IFT172: variants seen among roughly 807,000 people sequenced by gnomAD.
IFT172 encodes the protein intraflagellar transport protein 172 homolog.
IFT172 carries 164 observed loss-of-function variants against 248.9 expected under a neutral mutation model. That is an observed-to-expected ratio of 0.66 (90% confidence interval 0.58 to 0.75). The LOEUF is 0.75. Among genes scored for constraint, IFT172 ranks in the 30% least tolerant of loss-of-function variants. The pLI is 0.00. For missense variants in IFT172, 1,950 were observed against 2,192.4 expected (o/e 0.89, Z 2.21); for synonymous variants, 729 against 791.6 (o/e 0.92, Z 1.33).
chr2:27,469,703 G>C (rs1170722167), intron 16 of IFT172, among the ~76,000 whole-genome samples: 1 of 152,126 alleles, frequency 6.6e-6, no homozygotes, highest in East Asian at 1.9e-4. Flanking sequence ...ATGGTGACAG[G>C]TACCTGTAAT....
intron 39 of IFT172, 121 bp from the exon 40 acceptor site, chr2:27,449,152 G>T: frequency 1.7e-6 from 2 of 1,202,084 alleles, no homozygotes; most frequent in Non-Finnish European, 2.5e-6. Flanking sequence ...TCTGACCCCA[G>T]TTTCAGACTG....
intron 26 of IFT172, 105 bp from the exon 27 acceptor site, chr2:27,458,328 C>G: frequency 1.1e-6 from 1 of 943,618 alleles, no homozygotes; most frequent in Admixed American, 1.8e-5. Flanking sequence ...CCAACAATCA[C>G]AGGAGTTTGG....
intron 14 of IFT172, 49 bp downstream of exon 14, chr2:27,476,592 G>T (rs759398008): frequency 2.6e-6 from 3 of 1,140,996 alleles, no homozygotes; most frequent in Middle Eastern, 2.1e-4. Context: ...ATGGAAGTGT[G>T]ATATAAACAT....
At chr2:27,459,860 G>C (rs1202063357) in intron 23 of IFT172, 31 bp from the exon 24 acceptor site, 2 of 1,605,274 alleles carry the variant, frequency 1.2e-6, no homozygotes, top group South Asian at 2.2e-5. Flanking sequence ...GCTCAGCCCA[G>C]ATTTCCAGGG....
At chr2:27,444,886 T>TG in intron 47 of IFT172, 128 bp downstream of exon 47, 1 of 962,190 alleles carries the variant, frequency 1.0e-6, no homozygotes, top group Non-Finnish European at 1.5e-6. Flanking sequence ...TGACCTCAGG[T>TG]GATCCGCCCA....
chr2:27,481,454 TACAC>T (rs764036982), intron 7 of IFT172, among the ~76,000 whole-genome samples, 194 bp from the exon 8 acceptor site: 2 of 135,582 alleles, frequency 1.5e-5, no homozygotes, highest in Non-Finnish European at 1.6e-5. Flanking sequence ...CACACACACA[TACAC>T]ACACACACAC....
chr2:27,461,572 C>G, intron 21 of IFT172, 55 bp from the exon 22 acceptor site: 1 of 1,593,420 alleles, frequency 6.3e-7, no homozygotes. Flanking sequence ...ACCCTTCTGC[C>G]TCCCATGCTT....
rs148360112 is a variant in IFT172, at chr2:27,449,538, A to G, written c.4185T>C (p.His1395=). 6.2e-7 allele frequency: 1 copy of G among 1,614,022 alleles called. No individual in the cohort carries two copies. The highest frequency in any genetic ancestry group is 1.3e-5 in the African/African-American group (1 of 74,912). The change falls in exon 38 of 48, where the codon CAT becomes CAC. Residue 1395 remains histidine (H), a synonymous_variant. Transcript: ENST00000260570. ...CCTGATTCTTGAGGAACTCTTTATAATGCTGGTCCACATAGTCTTCATACC... is the reference window on the plus strand; with the variant it reads ...CCTGATTCTTGAGGAACTCTTTATAGTGCTGGTCCACATAGTCTTCATACC... ...DPRYEDYVDQ[H]YKEFLKNQGK...
rs1480463777 is a variant in IFT172, at chr2:27,483,252, A to C, written c.570+37T>G. ...TGCTGGTCTCAAACTCCTGGACTCAAGCAATCCAAGCCTCCCACAACATTC... is the reference window on the plus strand; with the variant it reads ...TGCTGGTCTCAAACTCCTGGACTCACGCAATCCAAGCCTCCCACAACATTC... On this transcript the variant is annotated intron_variant, in intron 7 of 47. Transcript: ENST00000260570. The C allele has an allele frequency of 5.0e-6, 6 of 1,211,898 alleles. No individual in the cohort carries two copies. In the Admixed American group the frequency reaches 1.0e-4, roughly 21 times the overall value. 75.1% of individuals were successfully genotyped at this position (1,211,898 alleles called of 1,614,324 possible).
In IFT172 at chr2:27,447,576, G is replaced by GT. The variant is rs1183354903; in HGVS notation, c.4597dup (p.Thr1533AsnfsTer47). The GT allele has an allele frequency of 1.2e-6, 2 of 1,614,158 alleles. No homozygotes were observed. Among genetic ancestry groups the GT allele is most frequent in the Non-Finnish European group, 1.7e-6 (2 of 1,180,024 alleles). On this transcript the variant is annotated frameshift_variant, in exon 42 of 48. Coordinates refer to ENST00000260570, the MANE Select transcript of IFT172 (RefSeq NM_015662.3). LOFTEE classifies it high-confidence loss of function. ...ATAGTAATGAGCGATCAGCAGCATC[G>GT]TCTTGAACTCCTCATGGGCTGGAGA...
chr2:27,476,777 G>A (rs1572812116), intron 13 of IFT172, 51 bp from the exon 14 acceptor site: 1 of 1,035,168 alleles, frequency 9.7e-7, no homozygotes, highest in Non-Finnish European at 1.5e-6. Flanking sequence ...TAGTTGGGAT[G>A]TTTATTAAAG....
rs1417550878 is a variant in IFT172 at position 27,446,241 on chromosome 2, C to A, written c.4755+19G>T. On this transcript the variant is annotated intron_variant, in intron 43 of 47. Transcript: ENST00000260570. Reference sequence around the variant, plus strand: ...TTAACTTCCTCCTATCTGCCCCACCCTTCCTTGTCCCAGCTCACCTTGGCA... The same window carrying A: ...TTAACTTCCTCCTATCTGCCCCACCATTCCTTGTCCCAGCTCACCTTGGCA... The A allele has an allele frequency of 6.2e-7, 1 of 1,611,846 alleles. No individual in the cohort carries two copies. Among genetic ancestry groups the A allele is most frequent in the Non-Finnish European group, 8.5e-7 (1 of 1,178,048 alleles).
intron 36 of IFT172, 41 bp from the exon 37 acceptor site, chr2:27,449,841 C>T: frequency 1.3e-6 from 2 of 1,502,032 alleles, no homozygotes; most frequent in Non-Finnish European, 1.8e-6. Flanking sequence ...TCTCCTCGCT[C>T]CCAGTCTTCC....
At chr2:27,468,159 C>CAAAAAAAAAAA (rs11284567) in intron 16 of IFT172, among the ~76,000 whole-genome samples, 1 of 122,906 alleles carries the variant, frequency 8.1e-6, no homozygotes, top group Non-Finnish European at 1.8e-5. Context: ...GACTCTGTCT[C>CAAAAAAAAAAA]AAAAAAAAAA....
At position 27,456,673 on chromosome 2, in the gene IFT172, A is replaced by G; in HGVS notation, c.3229-20T>C. 2 of 1,610,934 alleles carry G rather than the reference A, an allele frequency of 1.2e-6. No individual in the cohort carries two copies. The highest frequency in any genetic ancestry group is 1.7e-6 in the Non-Finnish European group (2 of 1,178,512). ...GGCCACCTGTAAAGCAAAGTCACTC[A>G]ATAATCCTGCAATACAGAGCTTCTC... On this transcript the variant is annotated intron_variant, in intron 29 of 47. Transcript: ENST00000260570.
intron 26 of IFT172, among the ~76,000 whole-genome samples, chr2:27,458,445 A>G (rs1160439505): frequency 2.0e-5 from 3 of 152,238 alleles, no homozygotes; most frequent in East Asian, 3.9e-4. Flanking sequence ...TGGCTGGGGC[A>G]TACACTCCCA....
In IFT172 at chr2:27,457,687, T is replaced by A; in HGVS notation, c.3180A>T (p.Ala1060=). Residue 1060 remains alanine, a synonymous_variant, in exon 29 of 48, where the codon GCA becomes GCT. Coordinates refer to ENST00000260570, the MANE Select transcript of IFT172 (RefSeq NM_015662.3). ...YHYLEAQEWK[A]TVNMYRASGL... is the part of the protein sequence containing the mutation. ...CACTGGCCCGGTACATGTTCACTGTTGCCTTCCATTCCTGGGCCTCGAGGT... is the reference window on the plus strand; with the variant it reads ...CACTGGCCCGGTACATGTTCACTGTAGCCTTCCATTCCTGGGCCTCGAGGT... The A allele has an allele frequency of 6.2e-7, 1 of 1,614,212 alleles. No individual in the cohort carries two copies. The highest frequency in any genetic ancestry group is 8.5e-7 in the Non-Finnish European group (1 of 1,180,042).
At chr2:27,465,951 A>C (rs1572778676) in intron 16 of IFT172, 69 bp from the exon 17 acceptor site, 1 of 1,579,662 alleles carries the variant, frequency 6.3e-7, no homozygotes, top group Non-Finnish European at 8.7e-7. Flanking sequence ...TATAGAAAAG[A>C]CCCACCCTCA....
At chr2:27,487,230 C>A (rs1668828278) in intron 1 of IFT172, among the ~76,000 whole-genome samples, 1 of 152,196 alleles carries the variant, frequency 6.6e-6, no homozygotes, top group Non-Finnish European at 1.5e-5. Flanking sequence ...CAGGCGTGAG[C>A]CACCACGCCC....
Sources: allele counts gnomAD v4.1 joint callset (sites outside exome capture counted in the v4.1 genomes callset), GRCh38; gene constraint gnomAD v4.1.1; transcripts MANE v1.5; gene names NCBI Gene and HGNC (gene_info 2026-07-23, HGNC 2026-07-21).